Variants in CALML4 observed in about 807,000 individuals in gnomAD.
CALML4 encodes the protein calmodulin like 4.
In CALML4, 16 loss-of-function variants were observed where a neutral mutation model predicts 17.9. The ratio of observed to expected loss-of-function variants is 0.89; its 90% CI spans 0.61 to 1.36. The LOEUF (loss-of-function observed/expected upper bound fraction) is 1.36. Ranked by LOEUF, CALML4 falls within the 40% of genes most tolerant of loss-of-function variation. The pLI is 0.00. For synonymous variants in CALML4, 86 were observed against 71.5 expected (o/e 1.20, Z -1.02); for missense variants, 203 against 194.8 (o/e 1.04, Z -0.25).
chr15:68,205,547 C>CT, upstream of CALML4: 1 of 777,176 alleles, frequency 1.3e-6, no homozygotes, highest in Admixed American at 2.8e-5. The surrounding 1 kb of genome is among the most constrained non-coding windows in gnomAD (Gnocchi z 4.8). Flanking sequence ...GCCAGTGTTT[C>CT]TTCCCGGGAG....
chr15:68,203,221 A>G (rs2093171308), intron 2 of CALML4, among the ~76,000 whole-genome samples: 1 of 152,176 alleles, frequency 6.6e-6, no homozygotes, highest in South Asian at 2.1e-4. Context: ...AAGTGCTGGG[A>G]TTACAGACGT....
chr15:68,194,021 G>A lies in CALML4; in HGVS notation c.456C>T (p.Asp152=). The A allele has an allele frequency of 6.2e-7, 1 of 1,612,618 alleles. No homozygotes were observed. Among genetic ancestry groups the A allele is most frequent in the Non-Finnish European group, 8.5e-7 (1 of 1,178,640 alleles). The change falls in exon 5 of 5, where the codon GAC becomes GAT. Residue 152 remains aspartate, a synonymous_variant. Coordinates refer to ENST00000467889, the MANE Select transcript of CALML4 (RefSeq NM_033429.3). The part of the protein sequence containing the change: ...FIHKITLPGR[D]Y Reference sequence around the variant, plus strand: ...GCTCTCCCATTCTCCTCCTTCAATAGTCCCGTCCAGGAAGGGTGATCTTGT... The same window carrying A: ...GCTCTCCCATTCTCCTCCTTCAATAATCCCGTCCAGGAAGGGTGATCTTGT...
At chr15:68,196,342 G>A (rs1257237337) in intron 4 of CALML4, among the ~76,000 whole-genome samples, 2 of 152,198 alleles carry the variant, frequency 1.3e-5, no homozygotes, top group African/African-American at 2.4e-5. Flanking sequence ...GGACCTGAGG[G>A]GTCACCTACT....
chr15:68,195,769 C>T (rs2093141757), intron 4 of CALML4, among the ~76,000 whole-genome samples: 1 of 152,130 alleles, frequency 6.6e-6, no homozygotes, highest in Non-Finnish European at 1.5e-5. Flanking sequence ...ATCGGTGTCC[C>T]TGCTTGTCTG....
Position 68,194,044 on chromosome 15 carries a change from T to G in CALML4, c.433A>C (p.Lys145Gln), listed in dbSNP as rs377499244. The G allele has an allele frequency of 3.7e-6, 6 of 1,613,976 alleles. No homozygotes were observed. In the African/African-American group the frequency reaches 8.0e-5, roughly 22 times the overall value. ...GKVKYDEFIHKITLPGRDY is the reference protein window; with the variant it reads ...GKVKYDEFIHQITLPGRDY ...TAGTCCCGTCCAGGAAGGGTGATCT[T>G]GTGGATAAATTCATCATACTTCACT... is the stretch of plus-strand genomic sequence containing the variant. Residue 145 changes from lysine to glutamine, a missense_variant, in exon 5 of 5, where the codon AAG becomes CAG. Coordinates refer to ENST00000467889, the MANE Select transcript of CALML4 (RefSeq NM_033429.3).
rs2093116981 is a variant in CALML4 at position 68,191,001 on chromosome 15, T to A, written c.*3014A>T. The A allele has an allele frequency of 6.6e-6, 1 of 152,348 alleles. No homozygotes were observed. Among genetic ancestry groups the A allele is most frequent in the African/African-American group, 2.4e-5 (1 of 41,462 alleles). 9.4% of individuals were successfully genotyped at this position (152,348 alleles called of 1,614,324 possible). A position where few individuals can be genotyped will look rare whatever the true frequency, so the allele number is the denominator to read the frequency against. On this transcript the variant is annotated 3_prime_UTR_variant, in exon 5 of 5. Transcript: ENST00000467889. ...AGAGCATTTTTTTAGACAATTTCAATTTTAAACACATAAAACTTTCAAGAT... is the reference window on the plus strand; with the variant it reads ...AGAGCATTTTTTTAGACAATTTCAAATTTAAACACATAAAACTTTCAAGAT...
rs1019107999 is a variant in CALML4 at position 68,197,750 on chromosome 15, T to C, written c.176-122A>G. On this transcript the variant is annotated intron_variant, in intron 3 of 4. Transcript: ENST00000467889. The surrounding 1 kb of genome is among the most constrained non-coding windows in gnomAD (Gnocchi z 4.1). Reference sequence around the variant, plus strand: ...CAACTGACCAGGGAATGCCAGGATGTGGCAGTGGTCACAGTGAAGAGGATG... The same window carrying C: ...CAACTGACCAGGGAATGCCAGGATGCGGCAGTGGTCACAGTGAAGAGGATG... 2.4e-6 allele frequency: 2 copies of C among 842,478 alleles called. No homozygotes were observed. Among genetic ancestry groups the C allele is most frequent in the African/African-American group, 3.4e-5 (2 of 58,400 alleles). 52.2% of individuals were successfully genotyped at this position (842,478 alleles called of 1,614,324 possible).
chr15:68,202,423 T>C (rs2093168113), intron 2 of CALML4, among the ~76,000 whole-genome samples: 1 of 152,190 alleles, frequency 6.6e-6, no homozygotes, highest in South Asian at 2.1e-4. Flanking sequence ...CTGGACAATA[T>C]AGTAAGACCT....
At position 68,193,888 on chromosome 15, in the gene CALML4, T is replaced by C; in HGVS notation, c.*127A>G. 1.5e-6 allele frequency: 1 copy of C among 645,928 alleles called. No individual in the cohort carries two copies. Among genetic ancestry groups the C allele is most frequent in the Non-Finnish European group, 2.8e-6 (1 of 358,900 alleles). 40.0% of individuals were successfully genotyped at this position (645,928 alleles called of 1,614,324 possible). On this transcript the variant is annotated 3_prime_UTR_variant, in exon 5 of 5. Coordinates refer to ENST00000467889, the MANE Select transcript of CALML4 (RefSeq NM_033429.3). ...ATTATTGTTGCTAGTTAGCCTCTCTTCTATAGTTGGGTAATGTTGTCTTGC... is the reference window on the plus strand; with the variant it reads ...ATTATTGTTGCTAGTTAGCCTCTCTCCTATAGTTGGGTAATGTTGTCTTGC...
intron 4 of CALML4, among the ~76,000 whole-genome samples, chr15:68,194,932 C>CT (rs1177296120): frequency 6.4e-5 from 6 of 93,388 alleles, no homozygotes; most frequent in South Asian, 5.9e-4. Flanking sequence ...ACCATCACCT[C>CT]TAAAAAAAAA....
intron 4 of CALML4, among the ~76,000 whole-genome samples, chr15:68,196,224 T>G (rs1370448290): frequency 6.6e-6 from 1 of 152,218 alleles, no homozygotes; most frequent in Non-Finnish European, 1.5e-5. Flanking sequence ...AATTTTTGTA[T>G]GTCAGGCAAT....
chr15:68,197,312 A>T lies in CALML4; in HGVS notation c.364+128T>A, dbSNP rs2093148389. 3.7e-6 allele frequency: 3 copies of T among 806,484 alleles called. No individual in the cohort carries two copies. The highest frequency in any genetic ancestry group is 5.9e-6 in the Non-Finnish European group (3 of 510,504). The allele number at this position is 806,484 out of a possible 1,614,324, so 50.0% of individuals were successfully genotyped here. Reference sequence around the variant, plus strand: ...CACCCACCTAGTGTGGCATCTGCTCACAGTCTCCTGCGCGCGCATCAACAG... The same window carrying T: ...CACCCACCTAGTGTGGCATCTGCTCTCAGTCTCCTGCGCGCGCATCAACAG... On this transcript the variant is annotated intron_variant, in intron 4 of 4. Transcript: ENST00000467889. The surrounding 1 kb of genome is among the most constrained non-coding windows in gnomAD (Gnocchi z 4.1).
chr15:68,194,379 G>A (rs555626340), intron 4 of CALML4, among the ~76,000 whole-genome samples: 5 of 138,388 alleles, frequency 3.6e-5, no homozygotes, highest in African/African-American at 5.5e-5. Context: ...TGATGCCACC[G>A]TGTGCTTTTT....
In CALML4 at chr15:68,204,434, G is replaced by GT. The variant is rs2093175412; in HGVS notation, c.34+686dup. 6.6e-6 allele frequency among the ~76,000 whole-genome samples: 1 copy of GT among 152,174 alleles called. No individual in the cohort carries two copies. The highest frequency in any genetic ancestry group is 2.1e-4 in the South Asian group (1 of 4,822). ...TCACAACCTCAAGCAGCAGCTGGCT[G>GT]TGCCTCCTGGGCCTCTCCTGCCAGG... On this transcript the variant is annotated intron_variant, in intron 2 of 4. Coordinates refer to ENST00000467889, the MANE Select transcript of CALML4 (RefSeq NM_033429.3). The surrounding 1 kb of genome is among the most constrained non-coding windows in gnomAD (Gnocchi z 6.0).
chr15:68,205,168 A>G lies in CALML4; in HGVS notation c.4-17T>C. 1 of 1,614,216 alleles carries G rather than the reference A, an allele frequency of 6.2e-7. No homozygotes were observed. The highest frequency in any genetic ancestry group is 8.5e-7 in the Non-Finnish European group (1 of 1,180,042). On this transcript the variant is annotated splice_polypyrimidine_tract_variant and intron_variant, in intron 1 of 4. Transcript: ENST00000467889. This position sits in a 1 kb window ranked among gnomAD's most constrained non-coding sequence, Gnocchi z 4.8. ...AAACTTGGCCTGCAGCAGAGAAAGG[A>G]AAACAGTCAGGGGAGGGCTCCACCT... is the stretch of plus-strand genomic sequence containing the variant.
rs1375157529 is a variant in CALML4, at chr15:68,200,941, CCCA to C, written c.35-1263_35-1261del. Among the ~76,000 whole-genome samples the C allele has an allele frequency of 6.6e-6, 1 of 152,110 alleles. No homozygotes were observed. The highest frequency in any genetic ancestry group is 1.5e-5 in the Non-Finnish European group (1 of 68,024). ...GAGAGCCTGGCTGTGGGCAGCTCTG[CCCA>C]CCAGGCCACACTGCCTTCGGTTCCA... is the stretch of plus-strand genomic sequence containing the variant. On this transcript the variant is annotated intron_variant, in intron 2 of 4. Coordinates refer to ENST00000467889, the MANE Select transcript of CALML4 (RefSeq NM_033429.3). The surrounding 1 kb of genome is among the most constrained non-coding windows in gnomAD (Gnocchi z 4.3).
chr15:68,205,048 C>T lies in CALML4; in HGVS notation c.34+73G>A. ...GCCACCTTCCTTCCCACCAAGAAAA[C>T]ATGAGCAGAGCAAATTGCCTAATGA... On this transcript the variant is annotated intron_variant, in intron 2 of 4. Transcript: ENST00000467889. This position sits in a 1 kb window ranked among gnomAD's most constrained non-coding sequence, Gnocchi z 4.8. 5.8e-6 allele frequency: 9 copies of T among 1,560,522 alleles called. No homozygotes were observed. Among genetic ancestry groups the T allele is most frequent in the Non-Finnish European group, 7.9e-6 (9 of 1,132,562 alleles).
In CALML4 at chr15:68,193,988, C is replaced by G; in HGVS notation, c.*27G>C. On this transcript the variant is annotated 3_prime_UTR_variant, in exon 5 of 5. Transcript: ENST00000467889. ...ATTAATTGCTCCAAGTTTTCAGGCCCAGGGGAGGCTCTCCCATTCTCCTCC... is the reference window on the plus strand; with the variant it reads ...ATTAATTGCTCCAAGTTTTCAGGCCGAGGGGAGGCTCTCCCATTCTCCTCC... 2.0e-6 allele frequency: 3 copies of G among 1,528,776 alleles called. No individual in the cohort carries two copies. The highest frequency in any genetic ancestry group is 2.7e-6 in the Non-Finnish European group (3 of 1,105,906). 94.7% of individuals were successfully genotyped at this position (1,528,776 alleles called of 1,614,324 possible).
Position 68,205,221 on chromosome 15 carries a change from G to A in CALML4, c.3+24C>T. ...GGTTCACGCCCCCAGCCCTGGCCAG[G>A]CCGACACAGACCCTCACACTCACCA... On this transcript the variant is annotated intron_variant, in intron 1 of 4. Coordinates refer to ENST00000467889, the MANE Select transcript of CALML4 (RefSeq NM_033429.3). This position sits in a 1 kb window ranked among gnomAD's most constrained non-coding sequence, Gnocchi z 4.8. The A allele has an allele frequency of 1.2e-6, 2 of 1,614,094 alleles. No individual in the cohort carries two copies. The highest frequency in any genetic ancestry group is 2.2e-5 in the East Asian group (1 of 44,876).
Sources: allele counts gnomAD v4.1 joint callset (sites outside exome capture counted in the v4.1 genomes callset), GRCh38; gene constraint gnomAD v4.1.1; non-coding constraint Gnocchi (gnomAD v3.1); transcripts MANE v1.5; gene names NCBI Gene and HGNC (gene_info 2026-07-23, HGNC 2026-07-21).